The following RGMA variants were observed in gnomAD, a reference collection of about 807,000 sequenced individuals.
The protein encoded by RGMA is repulsive guidance molecule BMP co-receptor a, also known as repulsive guidance molecule A.
RGMA carries 10 observed loss-of-function variants against 23.2 expected under a neutral mutation model. The ratio of observed to expected loss-of-function variants is 0.43; its 90% CI spans 0.27 to 0.73. The LOEUF is 0.73. Ranked by LOEUF, RGMA falls within the 30% of genes least tolerant of loss-of-function variation. The pLI, the probability that RGMA is intolerant of heterozygous loss-of-function variation, is 0.20. For missense variants in RGMA, 547 were observed against 630.5 expected (o/e 0.87, Z 1.42); for synonymous variants, 308 against 279.3 (o/e 1.10, Z -1.03).
At chr15:93,058,102 C>G (rs11635798) in intron 2 of RGMA, among the ~76,000 whole-genome samples, 46,293 of 152,126 alleles carry the variant, frequency 0.3, 8,487 homozygotes, top group African/African-American at 0.5. Context: ...CTCTGTCCTT[C>G]CCTTGTTAAT....
chr15:93,051,446 T>C, intron 3 of RGMA, among the ~76,000 whole-genome samples: 1 of 152,206 alleles, frequency 6.6e-6, no homozygotes, highest in Non-Finnish European at 1.5e-5. Flanking sequence ...GGCCTTGCCC[T>C]CTGGCTAAGT....
At chr15:93,071,888 CA>C (rs1895337152) in intron 2 of RGMA, among the ~76,000 whole-genome samples, 1 of 152,216 alleles carries the variant, frequency 6.6e-6, no homozygotes, top group Admixed American at 6.5e-5. Flanking sequence ...CTGAACCCCG[CA>C]AACACAATGG....
rs1895492570 is a variant in RGMA, at chr15:93,077,549, TG to T, written c.15-4519del. Among the ~76,000 whole-genome samples the T allele has an allele frequency of 9.2e-5, 14 of 152,224 alleles. No individual in the cohort carries two copies. In the South Asian group the frequency reaches 2.9e-3, roughly 31 times the overall value. ...CAATTACTTTCAATAAAATGGTGAT[TG>T]CAAGTGACTCAAGCTGGACCAATCA... is the stretch of plus-strand genomic sequence containing the variant. On this transcript the variant is annotated intron_variant, in intron 1 of 3. Transcript: ENST00000329082.
At position 93,036,133 on chromosome 15, in the gene RGMA, C is replaced by T. The variant is rs900905154; in HGVS notation, c.*8865G>A. 6.6e-6 allele frequency: 1 copy of T among 152,244 alleles called. No individual in the cohort carries two copies. Among genetic ancestry groups the T allele is most frequent in the Non-Finnish European group, 1.5e-5 (1 of 68,054 alleles). 9.4% of individuals were successfully genotyped at this position (152,244 alleles called of 1,614,324 possible). A position where few individuals can be genotyped will look rare whatever the true frequency, so the allele number is the denominator to read the frequency against. ...GTGTCTGTCTCTCACCACTAGAGGT[C>T]AGTCCCGTGAGGGCGGGCACATTCA... is the stretch of plus-strand genomic sequence containing the variant. On this transcript the variant is annotated 3_prime_UTR_variant, in exon 4 of 4. Transcript: ENST00000329082.
At chr15:93,066,704 G>C in intron 2 of RGMA, 1 of 361,658 alleles carries the variant, frequency 2.8e-6, no homozygotes, top group Non-Finnish European at 5.3e-6. Context: ...TTATATTTTT[G>C]GTAGAGACAG....
chr15:93,078,351 T>C (rs148879301), intron 1 of RGMA, among the ~76,000 whole-genome samples: 205 of 152,338 alleles, frequency 1.3e-3, no homozygotes, highest in African/African-American at 4.6e-3. Flanking sequence ...GACCAAGAAT[T>C]TGACAACATT....
intron 2 of RGMA, among the ~76,000 whole-genome samples, chr15:93,066,802 C>G (rs1040843347): frequency 2.6e-5 from 4 of 152,220 alleles, no homozygotes; most frequent in Non-Finnish European, 2.9e-5. Context: ...TGTGAGCCAC[C>G]GAGCCTGGCA....
chr15:93,052,450 C>T lies in RGMA; in HGVS notation c.188G>A (p.Gly63Asp), dbSNP rs1481315923. 2 of 1,591,214 alleles carry T rather than the reference C, an allele frequency of 1.3e-6. No individual in the cohort carries two copies. Among genetic ancestry groups the T allele is most frequent in the East Asian group, 2.2e-5 (1 of 44,592 alleles). The change falls in exon 3 of 4, where the codon GGC becomes GAC. Residue 63 changes from glycine (G) to aspartate (D), a missense_variant. Gly to Asp is a moderately conservative substitution (Grantham distance 94). Transcript: ENST00000329082. ...GTCGTCTGAGGCTGGGGCGTGGCTG[C>T]CCGACGTGGCGCTCCAGAACTCAGA... ...CNSEFWSATS[G>D]SHAPASDDTP... is the part of the protein sequence containing the mutation.
Position 93,041,796 on chromosome 15 carries a change from T to G in RGMA, c.*3202A>C, listed in dbSNP as rs746187255. 1 of 152,224 alleles carries G rather than the reference T, an allele frequency of 6.6e-6. No individual in the cohort carries two copies. The highest frequency in any genetic ancestry group is 1.5e-5 in the Non-Finnish European group (1 of 68,112). 9.4% of individuals were successfully genotyped at this position (152,224 alleles called of 1,614,324 possible). A position where few individuals can be genotyped will look rare whatever the true frequency, so the allele number is the denominator to read the frequency against. ...GCTGGGTACGTTTTGTCCTTTCCAG[T>G]CTGGTTCCTGCCTCCCAAACCCAAC... On this transcript the variant is annotated 3_prime_UTR_variant, in exon 4 of 4. Coordinates refer to ENST00000329082, the MANE Select transcript of RGMA (RefSeq NM_020211.3).
intron 3 of RGMA, among the ~76,000 whole-genome samples, chr15:93,049,143 G>A (rs2054877020): frequency 6.6e-6 from 1 of 152,210 alleles, no homozygotes; most frequent in Non-Finnish European, 1.5e-5. Flanking sequence ...TCCTGTCTCT[G>A]CTGCTCCCCC....
chr15:93,066,359 C>T (rs1895150369), intron 2 of RGMA: 1 of 753,014 alleles, frequency 1.3e-6, no homozygotes, highest in Non-Finnish European at 2.5e-6. Context: ...CTCGGAGTGC[C>T]AGCAGCACCA....
intron 3 of RGMA, among the ~76,000 whole-genome samples, chr15:93,048,219 G>T (rs1323583563): frequency 6.6e-6 from 1 of 152,190 alleles, no homozygotes; most frequent in Non-Finnish European, 1.5e-5. Context: ...ATTTCGGGAT[G>T]ATGAGGTGGG....
chr15:93,088,419 C>G (rs1269050825), intron 1 of RGMA: 4 of 985,598 alleles, frequency 4.1e-6, no homozygotes, highest in African/African-American at 3.5e-5. Flanking sequence ...GCCGGCGCGC[C>G]GAGGCAAAGG....
intron 1 of RGMA, among the ~76,000 whole-genome samples, chr15:93,083,326 A>C (rs1895587746): frequency 6.6e-6 from 1 of 151,910 alleles, no homozygotes; most frequent in Admixed American, 6.5e-5. Flanking sequence ...AAAGCAAGAG[A>C]AGCTTTTTTT....
At position 93,052,327 on chromosome 15, in the gene RGMA, T is replaced by C; in HGVS notation, c.311A>G (p.His104Arg). The C allele has an allele frequency of 1.2e-6, 2 of 1,603,218 alleles. No homozygotes were observed. Among genetic ancestry groups the C allele is most frequent in the Non-Finnish European group, 1.7e-6 (2 of 1,179,402 alleles). The change falls in exon 3 of 4, where the codon CAT (histidine) becomes CGT (arginine). Residue 104 changes from histidine to arginine, a missense_variant. His to Arg is a conservative substitution (Grantham distance 29). Around this residue, in one of 3 missense-constraint regions of RGMA, gnomAD observed 214 missense variants for 234.7 expected, o/e 0.91. Coordinates refer to ENST00000329082, the MANE Select transcript of RGMA (RefSeq NM_020211.3). ...RGDLAYHSAV[H>R]GIEDLMSQHN... is the part of the protein sequence containing the mutation. ...CTGGCTCATGAGGTCCTCTATGCCA[T>C]GGACGGCCGAGTGGTAGGCCAGGTC...
rs2054665685 is a variant in RGMA, at chr15:93,036,764, G to T, written c.*8234C>A. ...TTCTCTGCCCTCAAGCGAGGAGTAG[G>T]TGGGCGCAGTGAGCGGTGGGGTGGA... On this transcript the variant is annotated 3_prime_UTR_variant, in exon 4 of 4. Coordinates refer to ENST00000329082, the MANE Select transcript of RGMA (RefSeq NM_020211.3). The T allele has an allele frequency of 6.6e-6, 1 of 152,348 alleles. No individual in the cohort carries two copies. Among genetic ancestry groups the T allele is most frequent in the Non-Finnish European group, 1.5e-5 (1 of 68,132 alleles). The allele number at this position is 152,348 out of a possible 1,614,324, so 9.4% of individuals were successfully genotyped here.
chr15:93,044,834 A>C lies in RGMA; in HGVS notation c.*164T>G. On this transcript the variant is annotated 3_prime_UTR_variant, in exon 4 of 4. Coordinates refer to ENST00000329082, the MANE Select transcript of RGMA (RefSeq NM_020211.3). Reference sequence around the variant, plus strand: ...TCACCACAACCTTGTCACGTGCACTAGAAGGGGAGGGGTCCGTGCCTGAGC... The same window carrying C: ...TCACCACAACCTTGTCACGTGCACTCGAAGGGGAGGGGTCCGTGCCTGAGC... 2 of 618,372 alleles carry C rather than the reference A, an allele frequency of 3.2e-6. No homozygotes were observed. The highest frequency in any genetic ancestry group is 5.7e-6 in the Non-Finnish European group (2 of 350,244). 38.3% of individuals were successfully genotyped at this position (618,372 alleles called of 1,614,324 possible). A position where few individuals can be genotyped will look rare whatever the true frequency, so the allele number is the denominator to read the frequency against.
intron 2 of RGMA, among the ~76,000 whole-genome samples, chr15:93,057,808 G>A (rs1257353088): frequency 6.6e-6 from 1 of 152,174 alleles, no homozygotes; most frequent in Admixed American, 6.5e-5. Flanking sequence ...CCCAGGGATT[G>A]CCCAGGCCTG....
rs1280853229 is a variant in RGMA at position 93,043,028 on chromosome 15, ACAAGAGGAT to A, written c.*1961_*1969del. 3 of 152,272 alleles carry A rather than the reference ACAAGAGGAT, an allele frequency of 2.0e-5. No individual in the cohort carries two copies. The highest frequency in any genetic ancestry group is 7.2e-5 in the African/African-American group (3 of 41,460). The allele number at this position is 152,272 out of a possible 1,614,324, so 9.4% of individuals were successfully genotyped here. A position where few individuals can be genotyped will look rare whatever the true frequency, so the allele number is the denominator to read the frequency against. ...CTGACTGTGTTCCACTGTCACTAGA[ACAAGAGGAT>A]CTGGGCCTGCCAAGCTCCAAAGACA... On this transcript the variant is annotated 3_prime_UTR_variant, in exon 4 of 4. Coordinates refer to ENST00000329082, the MANE Select transcript of RGMA (RefSeq NM_020211.3).
Sources: allele counts gnomAD v4.1 joint callset (sites outside exome capture counted in the v4.1 genomes callset), GRCh38; gene constraint gnomAD v4.1.1; regional missense constraint gnomAD v4.1.1; transcripts MANE v1.5; gene names NCBI Gene and HGNC (gene_info 2026-07-23, HGNC 2026-07-21).